The following CENPM variants were observed in gnomAD, a reference collection of about 807,000 sequenced individuals.
The protein encoded by CENPM is centromere protein M, also known as interphase centromere complex protein 39.
CENPM carries 14 observed loss-of-function variants against 19.6 expected under a neutral mutation model. The observed-to-expected ratio is 0.71, with a 90% confidence interval of 0.47 to 1.11. The LOEUF is 1.11. Among genes scored for constraint, CENPM ranks in the 50% most tolerant of loss-of-function variants. The pLI is 0.00. For synonymous variants in CENPM, 114 were observed against 101.5 expected (o/e 1.12, Z -0.74); for missense variants, 239 against 228.4 (o/e 1.05, Z -0.30).
At chr22:41,936,000 A>T (rs577009818), downstream of CENPM, among the ~76,000 whole-genome samples, 2 of 151,798 alleles carry the variant, frequency 1.3e-5, no homozygotes, top group African/African-American at 4.8e-5. Context: ...CCTCCCAAGT[A>T]GCTGGGATTA....
chr22:41,929,186 AG>A, the CENPM span, among the ~76,000 whole-genome samples: 1 of 152,048 alleles, frequency 6.6e-6, no homozygotes, highest in African/African-American at 2.4e-5. Context: ...GAGGGGAGCC[AG>A]GGCAGGGAAG....
downstream of CENPM, among the ~76,000 whole-genome samples, chr22:41,936,493 G>A (rs926089561): frequency 1.2e-4 from 18 of 152,214 alleles, no homozygotes; most frequent in Non-Finnish European, 1.9e-4. Context: ...GAGCACTAGG[G>A]GTGGGGCCTG....
chr22:41,940,099 T>C (rs778955132), intron 5 of CENPM: 1 of 747,946 alleles, frequency 1.3e-6, no homozygotes, highest in Non-Finnish European at 2.5e-6. Context: ...AACCCGCCCT[T>C]TGCTATTGTG....
chr22:41,939,775 C>CAAA (rs2077710356), intron 5 of CENPM, among the ~76,000 whole-genome samples: 1 of 2,212 alleles, frequency 4.5e-4, no homozygotes, highest in African/African-American at 3.0e-3. Context: ...GTGTCTGTCT[C>CAAA]AAAAAAGAAA....
chr22:41,942,157 C>A (rs2077746176), intron 5 of CENPM, among the ~76,000 whole-genome samples: 1 of 152,214 alleles, frequency 6.6e-6, no homozygotes. Flanking sequence ...CGAAATGTAT[C>A]TCAAAACCAA....
the CENPM span, among the ~76,000 whole-genome samples, chr22:41,929,415 G>A: frequency 6.6e-6 from 1 of 152,224 alleles, no homozygotes; most frequent in Non-Finnish European, 1.5e-5. Flanking sequence ...TGTCCCTGGA[G>A]AGGGTGGCCC....
intron 5 of CENPM, chr22:41,940,093 C>A (rs749463342): frequency 9.5e-6 from 7 of 738,856 alleles, no homozygotes; most frequent in African/African-American, 8.6e-5. Flanking sequence ...CACCCCAACC[C>A]GCCCTTTGCT....
At chr22:41,946,981 G>A in intron 1 of CENPM, 39 bp downstream of exon 1, 3 of 1,607,932 alleles carry the variant, frequency 1.9e-6, no homozygotes, top group African/African-American at 1.3e-5. Context: ...CCGCCCAGGA[G>A]GAAAAACCGG....
downstream of CENPM, among the ~76,000 whole-genome samples, chr22:41,934,091 A>C (rs960827711): frequency 1.2e-4 from 19 of 152,212 alleles, no homozygotes; most frequent in African/African-American, 4.6e-4. Context: ...TGGGACTCGG[A>C]GGCTGCTCCT....
rs528168948 is a variant in CENPM, at chr22:41,946,934, C to G, written c.57+86G>C. The G allele has an allele frequency of 5.8e-6, 8 of 1,389,708 alleles. No homozygotes were observed. The South Asian group carries it at 9.3e-5, about 16-fold the overall frequency. The allele number at this position is 1,389,708 out of a possible 1,614,324, so 86.1% of individuals were successfully genotyped here. A position where few individuals can be genotyped will look rare whatever the true frequency, so the allele number is the denominator to read the frequency against. On this transcript the variant is annotated intron_variant, in intron 1 of 5. Coordinates refer to ENST00000215980, the MANE Select transcript of CENPM (RefSeq NM_024053.5). The stretch of plus-strand genomic sequence containing the variant: ...GCCACGGTAGCGCGCGCTGGCTTGG[C>G]GCCTCAGAGAGCTCAGTTGACCTAG...
chr22:41,942,627 G>A (rs899233099), intron 5 of CENPM, among the ~76,000 whole-genome samples: 1 of 151,784 alleles, frequency 6.6e-6, no homozygotes, highest in African/African-American at 2.4e-5. Flanking sequence ...GGTGGGTGCC[G>A]GTAGTCCCAG....
the CENPM span, among the ~76,000 whole-genome samples, chr22:41,931,735 A>G: frequency 0.058 from 8,830 of 151,916 alleles, 305 homozygotes; most frequent in Non-Finnish European, 0.079. Flanking sequence ...CCTGGGCCCT[A>G]CATGCTTCAG....
chr22:41,928,765 C>A, the CENPM span, among the ~76,000 whole-genome samples: 2 of 151,920 alleles, frequency 1.3e-5, no homozygotes, highest in Non-Finnish European at 2.9e-5. This position sits in a 1 kb window ranked among gnomAD's most constrained non-coding sequence, Gnocchi z 4.0. Flanking sequence ...AGTACAGAAC[C>A]TGGGGGTGTC....
intron 3 of CENPM, 133 bp downstream of exon 3, chr22:41,945,777 TCTC>T (rs2077793311): frequency 1.5e-6 from 1 of 666,630 alleles, no homozygotes; most frequent in African/African-American, 1.8e-5. Context: ...CTGGCTCCTC[TCTC>T]CTCACCTTAC....
intron 5 of CENPM, among the ~76,000 whole-genome samples, chr22:41,943,394 A>G (rs566973488): frequency 2.0e-5 from 3 of 152,176 alleles, no homozygotes; most frequent in African/African-American, 7.2e-5. Context: ...CTCACTTCAC[A>G]CCTGTGTACC....
At chr22:41,929,920 C>A in the CENPM span, among the ~76,000 whole-genome samples, 1 of 127,216 alleles carries the variant, frequency 7.9e-6, no homozygotes, top group Admixed American at 8.0e-5. Flanking sequence ...TCAATGTATT[C>A]TTATTTCCCC....
chr22:41,931,481 GAA>G, the CENPM span, among the ~76,000 whole-genome samples: 65 of 136,962 alleles, frequency 4.7e-4, no homozygotes, highest in African/African-American at 6.1e-4. Flanking sequence ...CCCCATCTCA[GAA>G]AAAAAAAAAA....
intron 5 of CENPM, among the ~76,000 whole-genome samples, chr22:41,943,231 T>C (rs2077758849): frequency 6.6e-6 from 1 of 152,086 alleles, no homozygotes; most frequent in South Asian, 2.1e-4. Flanking sequence ...GGCCTCACAA[T>C]CACTTACACC....
intron 3 of CENPM, 46 bp from the exon 4 acceptor site, chr22:41,945,350 C>A: frequency 1.2e-6 from 2 of 1,611,368 alleles, no homozygotes; most frequent in Non-Finnish European, 8.5e-7. Context: ...GAGAACAAAA[C>A]TTTACAACGG....
Sources: gnomAD v4.1 joint callset for allele counts (sites outside exome capture counted in the v4.1 genomes callset) on GRCh38, gnomAD v4.1.1 for gene constraint, Gnocchi (gnomAD v3.1) non-coding constraint, MANE v1.5 for transcripts, NCBI Gene and HGNC (gene_info 2026-07-23, HGNC 2026-07-21) for gene names.